AGPAT5: variants seen among roughly 807,000 people sequenced by gnomAD.
AGPAT5 encodes 1-acyl-sn-glycerol-3-phosphate acyltransferase epsilon.
In AGPAT5, 46 loss-of-function variants were observed where a neutral mutation model predicts 45.6. The observed-to-expected ratio is 1.01, with a 90% CI of 0.80 to 1.29. The LOEUF (loss-of-function observed/expected upper bound fraction) is 1.29. Among genes scored for constraint, AGPAT5 ranks in the 50% most tolerant of loss-of-function variants. The pLI is 0.00. For synonymous variants in AGPAT5, 272 were observed against 167.0 expected (o/e 1.63, Z -4.85); for missense variants, 673 against 450.7 (o/e 1.49, Z -4.47).
intron 6 of AGPAT5, among the ~76,000 whole-genome samples, chr8:6,751,290 A>G (rs189970314): frequency 1.6e-4 from 24 of 152,334 alleles, no homozygotes; most frequent in African/African-American, 5.3e-4. Flanking sequence ...TTATGATGCA[A>G]TTAAGAAATA....
At chr8:6,750,852 T>C (rs1490926097) in intron 6 of AGPAT5, among the ~76,000 whole-genome samples, 2 of 152,212 alleles carry the variant, frequency 1.3e-5, no homozygotes, top group African/African-American at 4.8e-5. Context: ...GTACAAACCT[T>C]TGTAGAAGTT....
intron 4 of AGPAT5, among the ~76,000 whole-genome samples, chr8:6,740,470 A>C (rs1213607341): frequency 1.3e-5 from 2 of 148,642 alleles, no homozygotes; most frequent in East Asian, 3.9e-4. Context: ...ATAATTATAC[A>C]TATAAATTAT....
At chr8:6,743,761 C>T (rs984719435) in intron 5 of AGPAT5, among the ~76,000 whole-genome samples, 2 of 136,820 alleles carry the variant, frequency 1.5e-5, no homozygotes, top group Admixed American at 7.7e-5. Context: ...TTAAAGTAAG[C>T]CCCTATGGTG....
chr8:6,708,890 G>A lies in AGPAT5; in HGVS notation c.219+3G>A, dbSNP rs1362543337. 2 of 1,599,178 alleles carry A rather than the reference G, an allele frequency of 1.3e-6. No homozygotes were observed. The highest frequency in any genetic ancestry group is 1.1e-5 in the South Asian group (1 of 90,214). On this transcript the variant is annotated splice_donor_region_variant and intron_variant, in intron 1 of 7. Transcript: ENST00000285518. ...TCGAGAATTACACCGGGGTCCAGGT[G>A]AGCCGCCTCCCGCTCCCGGGTCTCG...
At chr8:6,716,754 G>A (rs2912068) in intron 1 of AGPAT5, among the ~76,000 whole-genome samples, 107,253 of 151,676 alleles carry the variant, frequency 0.71, 38,566 homozygotes, top group African/African-American at 0.82. Context: ...AATCACTTGA[G>A]CCCAGGAGAC....
chr8:6,729,088 A>C (rs1383436059), intron 2 of AGPAT5, among the ~76,000 whole-genome samples: 1 of 152,236 alleles, frequency 6.6e-6, no homozygotes, highest in Non-Finnish European at 1.5e-5. Flanking sequence ...TTAAGTCATC[A>C]AGAAAAAGTT....
At chr8:6,729,907 A>G (rs1370500352) in intron 2 of AGPAT5, among the ~76,000 whole-genome samples, 1 of 152,208 alleles carries the variant, frequency 6.6e-6, no homozygotes, top group Non-Finnish European at 1.5e-5. Flanking sequence ...ATATCTACCC[A>G]GCATCATTGT....
rs149877246 is a variant in AGPAT5 at position 6,711,912 on chromosome 8, C to T, written c.219+3025C>T. Reference sequence around the variant, plus strand: ...GGGTTTAGAGCCCACCTGGATATTCCGGGATGATCTCTTCATCTCAAGATC... The same window carrying T: ...GGGTTTAGAGCCCACCTGGATATTCTGGGATGATCTCTTCATCTCAAGATC... On this transcript the variant is annotated intron_variant, in intron 1 of 7. Transcript: ENST00000285518. Among the ~76,000 whole-genome samples the T allele has an allele frequency of 2.8e-3, 430 of 152,294 alleles. 2 individuals carry two copies. Among genetic ancestry groups the T allele is most frequent in the African/African-American group, 9.9e-3 (411 of 41,558 alleles).
chr8:6,734,493 C>T (rs1477147013), intron 4 of AGPAT5, among the ~76,000 whole-genome samples: 1 of 152,128 alleles, frequency 6.6e-6, no homozygotes, highest in Non-Finnish European at 1.5e-5. Flanking sequence ...TCTATCTGAT[C>T]ATAAAGCTTA....
intron 4 of AGPAT5, among the ~76,000 whole-genome samples, chr8:6,739,637 C>T (rs1801173655): frequency 6.6e-6 from 1 of 152,058 alleles, no homozygotes; most frequent in Non-Finnish European, 1.5e-5. Context: ...TATTTATCAT[C>T]TAGTAACTTA....
chr8:6,749,364 T>A (rs1801578637), intron 6 of AGPAT5, among the ~76,000 whole-genome samples: 1 of 152,256 alleles, frequency 6.6e-6, no homozygotes, highest in South Asian at 2.1e-4. Flanking sequence ...AAGATGATTG[T>A]TCTCATAATT....
intron 3 of AGPAT5, 148 bp from the exon 4 acceptor site, chr8:6,732,413 G>T (rs557798028): frequency 4.0e-6 from 2 of 498,050 alleles, no homozygotes; most frequent in East Asian, 7.3e-5. Flanking sequence ...TTCTTTAGAA[G>T]CTAATGTTTG....
intron 7 of AGPAT5, among the ~76,000 whole-genome samples, chr8:6,756,348 T>G (rs905223127): frequency 3.3e-5 from 5 of 152,116 alleles, no homozygotes; most frequent in Non-Finnish European, 4.4e-5. Flanking sequence ...AAAAGGGGGC[T>G]GGCTGTGGTG....
intron 6 of AGPAT5, among the ~76,000 whole-genome samples, chr8:6,754,371 T>C (rs1587070019): frequency 1.3e-5 from 2 of 152,284 alleles, no homozygotes; most frequent in Non-Finnish European, 2.9e-5. Flanking sequence ...TGTTAAAATA[T>C]GGCAAGTATC....
At chr8:6,753,563 A>ATTATCCCTAC (rs1801725957) in intron 6 of AGPAT5, among the ~76,000 whole-genome samples, 1 of 152,160 alleles carries the variant, frequency 6.6e-6, no homozygotes, top group Non-Finnish European at 1.5e-5. Context: ...TTCTATTATT[A>ATTATCCCTAC]TTATCCCTAC....
intron 1 of AGPAT5, among the ~76,000 whole-genome samples, chr8:6,717,983 G>A (rs894208084): frequency 5.3e-5 from 8 of 152,118 alleles, no homozygotes; most frequent in East Asian, 1.9e-4. Flanking sequence ...CTGCCATTCC[G>A]TATGTCATCT....
chr8:6,726,920 G>A (rs1015320163), intron 2 of AGPAT5, among the ~76,000 whole-genome samples: 1 of 152,166 alleles, frequency 6.6e-6, no homozygotes, highest in Non-Finnish European at 1.5e-5. Flanking sequence ...TAGAATTACA[G>A]GCTTTAGTCA....
At chr8:6,735,846 AG>A (rs941075170) in intron 4 of AGPAT5, among the ~76,000 whole-genome samples, 4 of 111,332 alleles carry the variant, frequency 3.6e-5, no homozygotes, top group Admixed American at 1.0e-4. Flanking sequence ...TTCTTTATAT[AG>A]CCTTTTTTTT....
chr8:6,730,077 A>G (rs1800811119), intron 2 of AGPAT5, among the ~76,000 whole-genome samples: 1 of 152,042 alleles, frequency 6.6e-6, no homozygotes, highest in African/African-American at 2.4e-5. Context: ...TTTTTTGTTT[A>G]TAATTTCCCC....
Sources: gnomAD v4.1 joint callset for allele counts (sites outside exome capture counted in the v4.1 genomes callset) on GRCh38, gnomAD v4.1.1 for gene constraint, MANE v1.5 for transcripts, NCBI Gene and HGNC (gene_info 2026-07-23, HGNC 2026-07-21) for gene names.